The following CLRN2 variants were observed in gnomAD, a reference collection of about 807,000 sequenced individuals.
CLRN2 encodes clarin 2.
CLRN2 carries 17 observed loss-of-function variants against 20.1 expected under a neutral mutation model. That is an observed-to-expected ratio of 0.85 (90% CI 0.58 to 1.27). CLRN2 has a LOEUF of 1.27. CLRN2 is among the 50% of genes most tolerant of loss of function. CLRN2 has a pLI of 0.00. For missense variants in CLRN2, 288 were observed against 299.5 expected (o/e 0.96, Z 0.28); for synonymous variants, 140 against 126.9 (o/e 1.10, Z -0.70).
At chr4:17,522,051 G>A (rs1426125853) in intron 1 of CLRN2, among the ~76,000 whole-genome samples, 1 of 152,154 alleles carries the variant, frequency 6.6e-6, no homozygotes, top group Non-Finnish European at 1.5e-5. Context: ...AGAATTAAGA[G>A]TTGCCTTCCC....
chr4:17,520,842 C>A (rs1041430832), intron 1 of CLRN2, among the ~76,000 whole-genome samples: 2 of 151,948 alleles, frequency 1.3e-5, no homozygotes, highest in Non-Finnish European at 2.9e-5. Context: ...CATGGTGAAA[C>A]CCCCGTCCCT....
chr4:17,519,283 G>A (rs1278966082), intron 1 of CLRN2, among the ~76,000 whole-genome samples: 1 of 152,234 alleles, frequency 6.6e-6, no homozygotes, highest in African/African-American at 2.4e-5. Flanking sequence ...GCTTTCAAGT[G>A]AGTTGCCTCT....
chr4:17,526,823 T>A lies in CLRN2; in HGVS notation c.440T>A (p.Val147Asp). Residue 147 changes from valine (V) to aspartate (D), a missense_variant, in exon 3 of 3, where the codon GTC becomes GAC. Val to Asp is a radical substitution (Grantham distance 152). Transcript: ENST00000511148. Reference protein sequence around the residue: ...ICLWNVLAGGVVALAIASFVA... With the variant: ...ICLWNVLAGGDVALAIASFVA... ...TGACCTTTTTGAGTTTCAGGCGGCGTCGTGGCGTTAGCCATCGCCAGCTTC... is the reference window on the plus strand; with the variant it reads ...TGACCTTTTTGAGTTTCAGGCGGCGACGTGGCGTTAGCCATCGCCAGCTTC... 1 of 1,613,964 alleles carries A rather than the reference T, an allele frequency of 6.2e-7. No individual in the cohort carries two copies. The highest frequency in any genetic ancestry group is 8.5e-7 in the Non-Finnish European group (1 of 1,179,816).
intron 1 of CLRN2, 88 bp from the exon 2 acceptor site, chr4:17,522,776 T>G: frequency 7.0e-7 from 1 of 1,436,676 alleles, no homozygotes; most frequent in Non-Finnish European, 9.6e-7. Context: ...CCCCTGTCTG[T>G]CGAAGCCTTC....
At chr4:17,520,443 G>A (rs926943926) in intron 1 of CLRN2, among the ~76,000 whole-genome samples, 43 of 152,088 alleles carry the variant, frequency 2.8e-4, no homozygotes, top group Non-Finnish European at 3.7e-4. Flanking sequence ...TTTGATCCAC[G>A]CTTTGAGCAC....
At chr4:17,518,061 G>A (rs1239097093) in intron 1 of CLRN2, among the ~76,000 whole-genome samples, 3 of 147,120 alleles carry the variant, frequency 2.0e-5, no homozygotes, top group Non-Finnish European at 1.5e-5. Flanking sequence ...TCCATCTGTA[G>A]AAAAAAAAAA....
chr4:17,524,611 T>G (rs553611773), intron 2 of CLRN2, among the ~76,000 whole-genome samples: 1 of 152,146 alleles, frequency 6.6e-6, no homozygotes, highest in African/African-American at 2.4e-5. Flanking sequence ...GAGGCTGTCA[T>G]GTAAAAAGTG....
intron 2 of CLRN2, among the ~76,000 whole-genome samples, chr4:17,523,910 C>A (rs1711896873): frequency 6.6e-6 from 1 of 151,026 alleles, no homozygotes; most frequent in Non-Finnish European, 1.5e-5. Flanking sequence ...CTGCACCATG[C>A]CCTTAAACTA....
At chr4:17,519,609 A>G (rs1225134345) in intron 1 of CLRN2, among the ~76,000 whole-genome samples, 2 of 91,658 alleles carry the variant, frequency 2.2e-5, no homozygotes, top group African/African-American at 9.6e-5. Context: ...ATTTATCACC[A>G]TGAATCGTGT....
intron 1 of CLRN2, among the ~76,000 whole-genome samples, chr4:17,518,061 GAAAAA>G (rs5856427): frequency 2.9e-4 from 42 of 147,218 alleles, no homozygotes; most frequent in African/African-American, 9.5e-4. Flanking sequence ...TCCATCTGTA[GAAAAA>G]AAAAAAAATA....
At chr4:17,523,529 ATCT>A (rs1336885640) in intron 2 of CLRN2, among the ~76,000 whole-genome samples, 4 of 152,040 alleles carry the variant, frequency 2.6e-5, no homozygotes, top group African/African-American at 9.7e-5. Flanking sequence ...ACAAAGAAGC[ATCT>A]TATTAGAGTA....
At position 17,515,502 on chromosome 4, in the gene CLRN2, GC is replaced by G. The variant is rs754780824; in HGVS notation, c.238del (p.Gln80AsnfsTer11). 6.2e-7 allele frequency: 1 copy of G among 1,613,776 alleles called. No individual in the cohort carries two copies. Among genetic ancestry groups the G allele is most frequent in the East Asian group, 2.2e-5 (1 of 44,878 alleles). On this transcript the variant is annotated frameshift_variant, in exon 1 of 3. Transcript: ENST00000511148. LOFTEE classifies it high-confidence loss of function. Reference sequence around the variant, plus strand: ...GTGCGGCAGTGTGGGCTTGGGGGCCGCCAATCCCAATTCACGAGTGAGTATA... The same window carrying G: ...GTGCGGCAGTGTGGGCTTGGGGGCCGCAATCCCAATTCACGAGTGAGTATA... Reference protein sequence around the residue: ...CKVRQCGLGGRQSQFTIFPHL... With the variant: ...CKVRQCGLGGXQSQFTIFPHL...
At chr4:17,523,657 A>G (rs1272923613) in intron 2 of CLRN2, among the ~76,000 whole-genome samples, 1 of 151,546 alleles carries the variant, frequency 6.6e-6, no homozygotes, top group Admixed American at 6.6e-5. Flanking sequence ...AAAGAGATGG[A>G]GCTGGTGCTG....
At chr4:17,523,331 C>G (rs1221260078) in intron 2 of CLRN2, among the ~76,000 whole-genome samples, 1 of 151,846 alleles carries the variant, frequency 6.6e-6, no homozygotes. Flanking sequence ...CTTCCCACCT[C>G]AGGCCCCCAA....
In CLRN2 at chr4:17,521,238, A is replaced by G. The variant is rs1241869726; in HGVS notation, c.254-1626A>G. On this transcript the variant is annotated intron_variant, in intron 1 of 2. Coordinates refer to ENST00000511148, the MANE Select transcript of CLRN2 (RefSeq NM_001079827.2). ...GATAACCATAGGGAGATAAAAATAAATGGAAATTCAGAACTGGAAAGAAAC... is the reference window on the plus strand; with the variant it reads ...GATAACCATAGGGAGATAAAAATAAGTGGAAATTCAGAACTGGAAAGAAAC... Among the ~76,000 whole-genome samples the G allele has an allele frequency of 2.0e-5, 3 of 152,220 alleles. No homozygotes were observed. The East Asian group carries it at 5.8e-4, about 29-fold the overall frequency.
In CLRN2 at chr4:17,515,423, G is replaced by C. The variant is rs766163364; in HGVS notation, c.157G>C (p.Glu53Gln). The change falls in exon 1 of 3, where the codon GAG becomes CAG. Residue 53 changes from glutamate to glutamine, a missense_variant. Transcript: ENST00000511148. ...GGATCTGGTCAACGCCACAGACAGA[G>C]AGCTGGTCAAGTTCATTGGGGACAT... The part of the protein sequence containing the change: ...GVDLVNATDR[E>Q]LVKFIGDIYY... 12 of 1,613,978 alleles carry C rather than the reference G, an allele frequency of 7.4e-6. No homozygotes were observed. The Admixed American group carries it at 2.0e-4, about 27-fold the overall frequency.
At chr4:17,523,653 A>T (rs1711891342) in intron 2 of CLRN2, among the ~76,000 whole-genome samples, 1 of 151,590 alleles carries the variant, frequency 6.6e-6, no homozygotes, top group African/African-American at 2.4e-5. Flanking sequence ...TGGGAAAGAG[A>T]TGGAGCTGGT....
intron 1 of CLRN2, among the ~76,000 whole-genome samples, chr4:17,521,401 C>T (rs1322101768): frequency 6.6e-6 from 1 of 152,198 alleles, no homozygotes; most frequent in Non-Finnish European, 1.5e-5. Flanking sequence ...GGTGAACCAG[C>T]AAAGGAACTA....
intron 1 of CLRN2, among the ~76,000 whole-genome samples, chr4:17,518,734 C>A (rs1711757755): frequency 6.7e-6 from 1 of 149,626 alleles, no homozygotes; most frequent in Non-Finnish European, 1.5e-5. Context: ...GCACTCCAGC[C>A]TGGGTGAAAA....
Sources: gnomAD v4.1 joint callset for allele counts (sites outside exome capture counted in the v4.1 genomes callset) on GRCh38, gnomAD v4.1.1 for gene constraint, MANE v1.5 for transcripts, NCBI Gene and HGNC (gene_info 2026-07-23, HGNC 2026-07-21) for gene names.